The following UNC13C variants were observed in gnomAD, a reference collection of about 807,000 sequenced individuals.
UNC13C encodes the protein protein unc-13 homolog C.
A neutral mutation model predicts 245.4 loss-of-function variants in UNC13C; 174 were observed. That is an observed-to-expected ratio of 0.71 (90% CI 0.63 to 0.80). The LOEUF (loss-of-function observed/expected upper bound fraction) is 0.80. Among genes scored for constraint, UNC13C ranks in the 30% least tolerant of loss-of-function variants. The pLI, the probability that UNC13C is intolerant of heterozygous loss-of-function variation, is 0.00. For synonymous variants in UNC13C, 992 were observed against 895.1 expected, an observed-to-expected ratio of 1.11 and a Z score of -1.93; for missense variants, 2,829 against 2,602.9, an observed-to-expected ratio of 1.09 and a Z score of -1.89.
At chr15:54,261,334 G>T (rs1229879114) in intron 8 of UNC13C, among the ~76,000 whole-genome samples, 1 of 152,148 alleles carries the variant, frequency 6.6e-6, no homozygotes, top group Non-Finnish European at 1.5e-5. Flanking sequence ...ATGGCAAATT[G>T]TAACTATTTA....
chr15:53,999,769 A>C (rs1392215180), intron 1 of UNC13C, among the ~76,000 whole-genome samples: 1 of 151,840 alleles, frequency 6.6e-6, no homozygotes, highest in African/African-American at 2.4e-5. Flanking sequence ...AAAATATTTC[A>C]GTTTTGGGGG....
At chr15:54,561,881 A>G (rs1897310049) in intron 29 of UNC13C, among the ~76,000 whole-genome samples, 2 of 151,902 alleles carry the variant, frequency 1.3e-5, no homozygotes, top group Admixed American at 6.6e-5. Context: ...GGAGAAAGGG[A>G]AAGATGGATA....
intron 7 of UNC13C, among the ~76,000 whole-genome samples, chr15:54,239,729 G>A (rs1192562826): frequency 6.6e-6 from 1 of 152,172 alleles, no homozygotes; most frequent in African/African-American, 2.4e-5. Context: ...TGGGATTAAA[G>A]GTGTGAGCCA....
chr15:54,141,013 A>T (rs867904113), intron 2 of UNC13C, among the ~76,000 whole-genome samples: 1 of 152,296 alleles, frequency 6.6e-6, no homozygotes, highest in Middle Eastern at 3.4e-3. Context: ...GTAATTGATG[A>T]CCTTGTTAAG....
At chr15:54,410,441 C>T (rs182127959) in intron 18 of UNC13C, among the ~76,000 whole-genome samples, 7 of 151,820 alleles carry the variant, frequency 4.6e-5, no homozygotes, top group African/African-American at 1.7e-4. Flanking sequence ...AAAATCTTTG[C>T]CAAGGCCTAT....
At chr15:54,452,495 T>C (rs1162487511) in intron 19 of UNC13C, among the ~76,000 whole-genome samples, 1 of 152,188 alleles carries the variant, frequency 6.6e-6, no homozygotes, top group Non-Finnish European at 1.5e-5. Flanking sequence ...TGGGCCCATC[T>C]TCAGCTGCTG....
intron 2 of UNC13C, among the ~76,000 whole-genome samples, chr15:54,128,731 A>G (rs1243525218): frequency 6.6e-6 from 1 of 152,158 alleles, no homozygotes; most frequent in Non-Finnish European, 1.5e-5. Context: ...CGGACACCCA[A>G]GTGGAAAGGG....
At chr15:53,877,021 G>T in the UNC13C span, among the ~76,000 whole-genome samples, 8 of 152,076 alleles carry the variant, frequency 5.3e-5, no homozygotes, top group Admixed American at 4.6e-4. Context: ...TTTTACATTG[G>T]AATTTCATCT....
At chr15:53,967,282 C>T in the UNC13C span, among the ~76,000 whole-genome samples, 701 of 151,498 alleles carry the variant, frequency 4.6e-3, 3 homozygotes, top group African/African-American at 0.016. Context: ...TGTGTTTTTG[C>T]TACTTACTTT....
intron 13 of UNC13C, among the ~76,000 whole-genome samples, chr15:54,301,435 C>T (rs1567171600): frequency 1.3e-5 from 2 of 152,048 alleles, no homozygotes; most frequent in Non-Finnish European, 2.9e-5. Flanking sequence ...CTATCCCTCC[C>T]TTAGCCGTCT....
At chr15:54,238,495 T>G in intron 7 of UNC13C, among the ~76,000 whole-genome samples, 1 of 152,188 alleles carries the variant, frequency 6.6e-6, no homozygotes, top group East Asian at 1.9e-4. Context: ...ATGTTACTTC[T>G]TCAAGCCTGA....
At chr15:54,173,384 T>A (rs894682840) in intron 4 of UNC13C, among the ~76,000 whole-genome samples, 3 of 151,630 alleles carry the variant, frequency 2.0e-5, no homozygotes, top group Non-Finnish European at 4.4e-5. Flanking sequence ...TTAGGTTTTC[T>A]TCAATTTCTC....
Position 54,014,352 on chromosome 15 carries a change from C to A in UNC13C, c.1449C>A (p.Ser483Arg), listed in dbSNP as rs1218168806. 6.2e-7 allele frequency: 1 copy of A among 1,613,862 alleles called. No individual in the cohort carries two copies. Among genetic ancestry groups the A allele is most frequent in the Non-Finnish European group, 8.5e-7 (1 of 1,179,828 alleles). ...LLTKGSTSKP[S>R]SKSHSARSKN... is the part of the protein sequence containing the mutation. ...CAAAGGGAAGTACTTCCAAGCCAAG[C>A]TCAAAATCACACAGTGCTAGATCCA... The change falls in exon 2 of 33, where the codon AGC becomes AGA. Residue 483 changes from serine to arginine, a missense_variant. By Grantham distance (110) the Ser-to-Arg change is moderately radical. Coordinates refer to ENST00000260323, the MANE Select transcript of UNC13C (RefSeq NM_001080534.3).
chr15:54,408,429 C>A (rs991544372), intron 18 of UNC13C, among the ~76,000 whole-genome samples: 2 of 151,894 alleles, frequency 1.3e-5, no homozygotes, highest in Admixed American at 1.3e-4. Flanking sequence ...TAACTCCTGA[C>A]CACCAATTTT....
At chr15:53,905,529 A>G in the UNC13C span, among the ~76,000 whole-genome samples, 1 of 152,134 alleles carries the variant, frequency 6.6e-6, no homozygotes. Context: ...AAAGAAAGAC[A>G]AATACTGCAT....
At chr15:53,985,677 G>A (rs1417483962) in intron 1 of UNC13C, among the ~76,000 whole-genome samples, 3 of 152,006 alleles carry the variant, frequency 2.0e-5, no homozygotes, top group Admixed American at 6.6e-5. Flanking sequence ...AGCTATGAGA[G>A]TGGTGGAAGA....
At chr15:53,855,741 C>G in the UNC13C span, among the ~76,000 whole-genome samples, 6 of 151,996 alleles carry the variant, frequency 3.9e-5, no homozygotes, top group Admixed American at 3.9e-4. Context: ...AAGATATTGG[C>G]CTGAAGTTTT....
chr15:54,044,785 T>C (rs1300857190), intron 2 of UNC13C, among the ~76,000 whole-genome samples: 1 of 152,206 alleles, frequency 6.6e-6, no homozygotes, highest in Admixed American at 6.5e-5. Context: ...ATATCCATCA[T>C]CTCGTGTAGC....
intron 18 of UNC13C, among the ~76,000 whole-genome samples, chr15:54,411,989 A>G (rs183517852): frequency 1.3e-4 from 20 of 152,270 alleles, no homozygotes; most frequent in African/African-American, 4.1e-4. Context: ...TTTTCTTCAT[A>G]TAAATCTTGT....
Sources: allele counts gnomAD v4.1 joint callset (sites outside exome capture counted in the v4.1 genomes callset), GRCh38; gene constraint gnomAD v4.1.1; transcripts MANE v1.5; gene names NCBI Gene and HGNC (gene_info 2026-07-23, HGNC 2026-07-21).